The following AIFM3 variants were observed in gnomAD, a reference collection of about 807,000 sequenced individuals.
AIFM3 encodes the protein apoptosis-inducing factor 3.
AIFM3 carries 71 observed loss-of-function variants against 82.7 expected under a neutral mutation model. The ratio of observed to expected loss-of-function variants is 0.86; its 90% CI spans 0.71 to 1.05. The LOEUF is 1.05. AIFM3 is among the 50% of genes least tolerant of loss of function. AIFM3 has a pLI of 0.00. For synonymous variants in AIFM3, 337 were observed against 329.1 expected (o/e 1.02, Z -0.26); for missense variants, 748 against 816.7 (o/e 0.92, Z 1.03).
chr22:20,977,060 A>G lies in AIFM3; in HGVS notation c.1247A>G (p.Lys416Arg). The change falls in exon 14 of 21, where the codon AAG becomes AGG. Residue 416 changes from lysine to arginine, a missense_variant. Lys to Arg is a conservative substitution (Grantham distance 26, BLOSUM62 2). This residue lies in a region of AIFM3 where 393 missense variants were observed against 481.1 expected (regional missense o/e 0.82). Coordinates refer to ENST00000440238, the MANE Select transcript of AIFM3 (RefSeq NM_001386814.1). ...KLKEVVLKSS[K>R]VVRADVCVVG... ...AAGGAGGTTGTGCTGAAGAGCAGCA[A>G]GGTCGTGCGGGCTGACGTCTGCGTG... 1 of 1,614,146 alleles carries G rather than the reference A, an allele frequency of 6.2e-7. No individual in the cohort carries two copies. Among genetic ancestry groups the G allele is most frequent in the African/African-American group, 1.3e-5 (1 of 75,022 alleles).
At chr22:20,969,472 C>T (rs947199477) in intron 2 of AIFM3, among the ~76,000 whole-genome samples, 2 of 152,166 alleles carry the variant, frequency 1.3e-5, no homozygotes, top group African/African-American at 4.8e-5. Flanking sequence ...CTCCTTCTCC[C>T]ATGCTGGAGT....
rs570306641 is a variant in AIFM3, at chr22:20,980,577, C to A, written c.1758-170C>A. On this transcript the variant is annotated intron_variant, in intron 19 of 20. Coordinates refer to ENST00000440238, the MANE Select transcript of AIFM3 (RefSeq NM_001386814.1). ...CCTGGTGTGGTGTCAATGAGATTCA[C>A]CCTCTGGGAGAGAGCTCCCAGGGAC... The A allele has an allele frequency of 1.3e-4, 105 of 784,326 alleles. 1 individual carries two copies. The African/African-American group carries it at 1.4e-3, about 11-fold the overall frequency. 48.6% of individuals were successfully genotyped at this position (784,326 alleles called of 1,614,324 possible). A position where few individuals can be genotyped will look rare whatever the true frequency, so the allele number is the denominator to read the frequency against.
Position 20,977,792 on chromosome 22 carries a change from C to G in AIFM3, c.1359+16C>G. Reference sequence around the variant, plus strand: ...TGTCAACAAGGTGGGGTGGATGGCACTGGGTGGGGAGGACCCGGTGCTGGG... The same window carrying G: ...TGTCAACAAGGTGGGGTGGATGGCAGTGGGTGGGGAGGACCCGGTGCTGGG... On this transcript the variant is annotated intron_variant, in intron 15 of 20. Coordinates refer to ENST00000440238, the MANE Select transcript of AIFM3 (RefSeq NM_001386814.1). 6.2e-7 allele frequency: 1 copy of G among 1,614,138 alleles called. No homozygotes were observed.
intron 14 of AIFM3, 93 bp from the exon 15 acceptor site, chr22:20,977,607 G>A: frequency 6.6e-7 from 1 of 1,506,378 alleles, no homozygotes; most frequent in Admixed American, 1.7e-5. Flanking sequence ...GATCAGTCTG[G>A]GGCTGGCACA....
intron 2 of AIFM3, among the ~76,000 whole-genome samples, chr22:20,972,380 C>G (rs1328478644): frequency 1.5e-5 from 2 of 133,674 alleles, no homozygotes; most frequent in Non-Finnish European, 3.1e-5. Context: ...CCAGCCTGGG[C>G]AACAACAGCG....
intron 6 of AIFM3, 76 bp from the exon 7 acceptor site, chr22:20,974,449 G>GA: frequency 6.4e-7 from 1 of 1,564,996 alleles, no homozygotes; most frequent in Non-Finnish European, 8.7e-7. Context: ...GGCTGGGCTG[G>GA]AGCGCCAGGA....
intron 3 of AIFM3, 24 bp from the exon 4 acceptor site, chr22:20,973,734 C>T: frequency 3.3e-6 from 5 of 1,522,112 alleles, no homozygotes; most frequent in Non-Finnish European, 4.4e-6. Context: ...TCTGGCCTGA[C>T]CTCTGAGTGC....
At chr22:20,977,342 G>T (rs188483521) in intron 14 of AIFM3, 1 of 611,642 alleles carries the variant, frequency 1.6e-6, no homozygotes, top group Non-Finnish European at 2.9e-6. Flanking sequence ...CATGCCCTGC[G>T]AGAGTTGACA....
intron 4 of AIFM3, 34 bp from the exon 5 acceptor site, chr22:20,974,029 C>G (rs1239822780): frequency 1.9e-6 from 3 of 1,570,584 alleles, no homozygotes; most frequent in Non-Finnish European, 2.6e-6. Context: ...GCAACCCCTG[C>G]TGGTGGGCGC....
At position 20,980,754 on chromosome 22, in the gene AIFM3, G is replaced by T. The variant is rs1285573697; in HGVS notation, c.1765G>T (p.Val589Leu). Residue 589 changes from valine (V) to leucine (L), a missense_variant, in exon 20 of 21, where the codon GTG (valine) becomes TTG (leucine). Around this residue, in one of 5 missense-constraint regions of AIFM3, gnomAD observed 183 missense variants for 158.2 expected, o/e 1.16. Coordinates refer to ENST00000440238, the MANE Select transcript of AIFM3 (RefSeq NM_001386814.1). ...AIRKREVELF[V>L]LHSKTGDMSW... is the part of the protein sequence containing the mutation. ...TCTCTTGCCTTCGTGAAGGCTGTTTGTGCTGCACAGCAAGTACGTGTGTCC... is the reference window on the plus strand; with the variant it reads ...TCTCTTGCCTTCGTGAAGGCTGTTTTTGCTGCACAGCAAGTACGTGTGTCC... 1 of 1,614,176 alleles carries T rather than the reference G, an allele frequency of 6.2e-7. No homozygotes were observed. Among genetic ancestry groups the T allele is most frequent in the Non-Finnish European group, 8.5e-7 (1 of 1,180,016 alleles).
Position 20,979,343 on chromosome 22 carries a change from T to G in AIFM3, c.1550T>G (p.Met517Arg). 3 of 1,556,930 alleles carry G rather than the reference T, an allele frequency of 1.9e-6. No homozygotes were observed. In the African/African-American group the frequency reaches 4.1e-5, roughly 21 times the overall value. The part of the protein sequence containing the change: ...MSTVPYLWTA[M>R]FGKSLRYAGY... Reference sequence around the variant, plus strand: ...ACTGTGCCCTACCTCTGGACCGCCATGTTTGGCAAGAGCCTGCGCTACGCG... The same window carrying G: ...ACTGTGCCCTACCTCTGGACCGCCAGGTTTGGCAAGAGCCTGCGCTACGCG... The change falls in exon 17 of 21, where the codon ATG becomes AGG. Residue 517 changes from methionine (M) to arginine (R), a missense_variant. By Grantham distance (91) the Met-to-Arg change is moderately conservative. Coordinates refer to ENST00000440238, the MANE Select transcript of AIFM3 (RefSeq NM_001386814.1).
Position 20,976,543 on chromosome 22 carries a change from G to C in AIFM3, c.1030+5G>C. On this transcript the variant is annotated splice_donor_5th_base_variant and intron_variant, in intron 11 of 20. Transcript: ENST00000440238. ...TCGTGGGAGCCGGCTTCCTGGGTGAGAGGTAGTGGGCAGTGGAGATGGTGG... is the reference window on the plus strand; with the variant it reads ...TCGTGGGAGCCGGCTTCCTGGGTGACAGGTAGTGGGCAGTGGAGATGGTGG... The C allele has an allele frequency of 6.2e-7, 1 of 1,613,150 alleles. No homozygotes were observed. Among genetic ancestry groups the C allele is most frequent in the Non-Finnish European group, 8.5e-7 (1 of 1,180,024 alleles).
chr22:20,979,447 C>T, intron 17 of AIFM3, 78 bp downstream of exon 17: 2 of 1,480,308 alleles, frequency 1.4e-6, no homozygotes, highest in African/African-American at 1.4e-5. Context: ...GGGCTGGGAG[C>T]CTAGGGGCAG....
At position 20,977,742 on chromosome 22, in the gene AIFM3, G is replaced by A. The variant is rs1923787231; in HGVS notation, c.1325G>A (p.Gly442Asp). Residue 442 changes from glycine to aspartate, a missense_variant, in exon 15 of 21, where the codon GGT (glycine) becomes GAT (aspartate). Gly to Asp is a moderately conservative substitution (Grantham distance 94). This residue lies in a region of AIFM3 where 393 missense variants were observed against 481.1 expected (regional missense o/e 0.82). Coordinates refer to ENST00000440238, the MANE Select transcript of AIFM3 (RefSeq NM_001386814.1). ...ATGFLRQSGI[G>D]LDSRGFIPVN... ...GGCTTCCTGAGGCAAAGCGGCATCGGTTTGGATTCCCGAGGCTTCATCCCT... is the reference window on the plus strand; with the variant it reads ...GGCTTCCTGAGGCAAAGCGGCATCGATTTGGATTCCCGAGGCTTCATCCCT... The A allele has an allele frequency of 6.2e-7, 1 of 1,614,196 alleles. No homozygotes were observed. The highest frequency in any genetic ancestry group is 8.5e-7 in the Non-Finnish European group (1 of 1,180,038).
At position 20,975,796 on chromosome 22, in the gene AIFM3, G is replaced by A. The variant is rs754692946; in HGVS notation, c.807+18G>A. Reference sequence around the variant, plus strand: ...AGGCTCAGGTACAGGGTCAAGGGTGGGAAACAGGCCCGAGGAGGGAAGGTG... The same window carrying A: ...AGGCTCAGGTACAGGGTCAAGGGTGAGAAACAGGCCCGAGGAGGGAAGGTG... On this transcript the variant is annotated intron_variant, in intron 9 of 20. Transcript: ENST00000440238. The A allele has an allele frequency of 6.2e-7, 1 of 1,609,816 alleles. No individual in the cohort carries two copies. The highest frequency in any genetic ancestry group is 8.5e-7 in the Non-Finnish European group (1 of 1,179,816).
In AIFM3 at chr22:20,976,748, G is replaced by A. The variant is rs1179541197; in HGVS notation, c.1128G>A (p.Val376=). The A allele has an allele frequency of 6.2e-7, 1 of 1,611,684 alleles. No individual in the cohort carries two copies. Among genetic ancestry groups the A allele is most frequent in the Non-Finnish European group, 8.5e-7 (1 of 1,178,912 alleles). The change falls in exon 12 of 21, where the codon GTG becomes GTA. Residue 376 remains valine (V), a synonymous_variant. Coordinates refer to ENST00000440238, the MANE Select transcript of AIFM3 (RefSeq NM_001386814.1). ...TPFRRFLGER[V]GRALMKMFEN... ...TCAGGAGGTTCCTGGGGGAGCGCGT[G>A]GGTCGTGCCCTCATGAAGGTGAGCC...
rs932027824 is a variant in AIFM3, at chr22:20,980,274, G to A, written c.1757+150G>A. 5.5e-5 allele frequency: 37 copies of A among 673,370 alleles called. No homozygotes were observed. The African/African-American group carries it at 6.7e-4, about 12-fold the overall frequency. The allele number at this position is 673,370 out of a possible 1,614,324, so 41.7% of individuals were successfully genotyped here. A position where few individuals can be genotyped will look rare whatever the true frequency, so the allele number is the denominator to read the frequency against. On this transcript the variant is annotated intron_variant, in intron 19 of 20. Transcript: ENST00000440238. ...GAGGCTTACAGGACTACAGGGAGGT[G>A]TGGGGCAAGGATCATGGTTTGAGAG...
chr22:20,978,074 T>C, intron 16 of AIFM3, 69 bp downstream of exon 16: 1 of 1,450,726 alleles, frequency 6.9e-7, no homozygotes, highest in South Asian at 1.2e-5. Context: ...CCCATGCCCA[T>C]GCCTCAGTTG....
intron 9 of AIFM3, 113 bp downstream of exon 9, chr22:20,975,891 G>A: frequency 4.1e-6 from 5 of 1,222,594 alleles, no homozygotes; most frequent in Non-Finnish European, 4.6e-6. Flanking sequence ...CCACAGCCCA[G>A]GCACCTGGGA....
Sources: gnomAD v4.1 joint callset for allele counts (sites outside exome capture counted in the v4.1 genomes callset) on GRCh38, gnomAD v4.1.1 for gene constraint, gnomAD v4.1.1 regional missense constraint, MANE v1.5 for transcripts, NCBI Gene and HGNC (gene_info 2026-07-23, HGNC 2026-07-21) for gene names.